Variants in DAGLA observed in about 807,000 individuals in gnomAD.
DAGLA encodes diacylglycerol lipase-alpha.
In DAGLA, 22 loss-of-function variants were observed where a neutral mutation model predicts 102.6. That is an observed-to-expected ratio of 0.21 (90% CI 0.15 to 0.31). The LOEUF is 0.31. DAGLA is among the 10% of genes least tolerant of loss of function. DAGLA has a pLI of 1.00. For synonymous variants in DAGLA, 578 were observed against 628.9 expected, an observed-to-expected ratio of 0.92 and a Z score of 1.21; for missense variants, 927 against 1,446.6, an observed-to-expected ratio of 0.64 and a Z score of 5.83.
chr11:61,695,483 G>T (rs983731866), intron 1 of DAGLA, among the ~76,000 whole-genome samples: 11 of 152,240 alleles, frequency 7.2e-5, no homozygotes, highest in African/African-American at 2.7e-4. Context: ...TCCCAGCGGG[G>T]AGGAGCAGTG....
intron 1 of DAGLA, among the ~76,000 whole-genome samples, chr11:61,719,825 C>T (rs750293869): frequency 2.0e-5 from 3 of 152,026 alleles, no homozygotes; most frequent in African/African-American, 4.8e-5. Context: ...TAATAGAGCT[C>T]AACAGTGACT....
At chr11:61,726,870 A>G (rs1320694238) in intron 6 of DAGLA, among the ~76,000 whole-genome samples, 3 of 152,166 alleles carry the variant, frequency 2.0e-5, no homozygotes, top group African/African-American at 4.8e-5. Flanking sequence ...GTGAGTAATC[A>G]AGTGTAAGAA....
rs945133280 is a variant in DAGLA, at chr11:61,731,383, C to T, written c.916C>T (p.Pro306Ser). Residue 306 changes from proline (P) to serine (S), a missense_variant, in exon 9 of 20, where the codon CCC (proline) becomes TCC (serine). This residue lies in a region of DAGLA where 231 missense variants were observed against 439.8 expected (regional missense o/e 0.53). Coordinates refer to ENST00000257215, the MANE Select transcript of DAGLA (RefSeq NM_006133.3). ...MLFALAAYGW[P>S]MYLMRKPACG... ...CTTTGCCCTGGCTGCCTACGGGTGGCCCATGTACCTGATGCGGAAGCCCGC... is the reference window on the plus strand; with the variant it reads ...CTTTGCCCTGGCTGCCTACGGGTGGTCCATGTACCTGATGCGGAAGCCCGC... 6.2e-7 allele frequency: 1 copy of T among 1,614,098 alleles called. No homozygotes were observed.
At chr11:61,721,343 G>A (rs2065280917) in intron 3 of DAGLA, among the ~76,000 whole-genome samples, 1 of 152,120 alleles carries the variant, frequency 6.6e-6, no homozygotes, top group African/African-American at 2.4e-5. Context: ...GCAGTGAGCC[G>A]AGATTGCGCC....
chr11:61,721,805 A>G (rs1030788759), intron 3 of DAGLA, among the ~76,000 whole-genome samples: 6 of 152,226 alleles, frequency 3.9e-5, no homozygotes, highest in Admixed American at 3.3e-4. Context: ...AGTGGGTGTT[A>G]TTGGTCTCCG....
chr11:61,720,001 A>G, intron 1 of DAGLA, 111 bp from the exon 2 acceptor site: 1 of 691,302 alleles, frequency 1.4e-6, no homozygotes, highest in Non-Finnish European at 2.4e-6. Flanking sequence ...AGCTCCAAAA[A>G]TGCCTGTGCT....
At chr11:61,691,925 G>A (rs193093853) in intron 1 of DAGLA, among the ~76,000 whole-genome samples, 25 of 152,312 alleles carry the variant, frequency 1.6e-4, no homozygotes, top group Non-Finnish European at 3.4e-4. Context: ...GATGATGCTG[G>A]CTTGTGACAG....
chr11:61,706,719 G>T (rs1454436065), intron 1 of DAGLA, among the ~76,000 whole-genome samples: 1 of 152,212 alleles, frequency 6.6e-6, no homozygotes, highest in Non-Finnish European at 1.5e-5. Flanking sequence ...AGGTCCCCTA[G>T]CTCTCGCTGA....
chr11:61,738,436 G>A (rs971496557), intron 16 of DAGLA, among the ~76,000 whole-genome samples: 1 of 152,180 alleles, frequency 6.6e-6, no homozygotes, highest in Admixed American at 6.5e-5. Flanking sequence ...AGAGTGGGAG[G>A]GACTTGCATT....
chr11:61,724,879 A>C (rs1376891426), intron 5 of DAGLA, among the ~76,000 whole-genome samples: 1 of 152,114 alleles, frequency 6.6e-6, no homozygotes. Context: ...AGGTCCCCAG[A>C]GTAGCAATTC....
chr11:61,730,826 AG>A, intron 8 of DAGLA, among the ~76,000 whole-genome samples: 1 of 152,256 alleles, frequency 6.6e-6, no homozygotes, highest in Non-Finnish European at 1.5e-5. Flanking sequence ...CCCAAGGGCC[AG>A]AGATTTGGTG....
At chr11:61,736,679 C>G (rs562595672) in intron 13 of DAGLA, among the ~76,000 whole-genome samples, 1 of 152,332 alleles carries the variant, frequency 6.6e-6, no homozygotes, top group South Asian at 2.1e-4. Flanking sequence ...AAATACAGAG[C>G]AGAGAGAAGG....
chr11:61,739,120 T>C (rs2065452628), intron 16 of DAGLA, among the ~76,000 whole-genome samples: 1 of 152,194 alleles, frequency 6.6e-6, no homozygotes, highest in South Asian at 2.1e-4. Context: ...CTCGGACTTG[T>C]GGAGTGATCC....
chr11:61,714,409 G>T (rs1454484435), intron 1 of DAGLA, among the ~76,000 whole-genome samples: 5 of 152,282 alleles, frequency 3.3e-5, no homozygotes, highest in Non-Finnish European at 7.3e-5. Flanking sequence ...GGAGGCAGGA[G>T]AGCCAGCCGC....
At chr11:61,741,024 A>G in intron 18 of DAGLA, 138 bp from the exon 19 acceptor site, 1 of 780,764 alleles carries the variant, frequency 1.3e-6, no homozygotes, top group Non-Finnish European at 2.0e-6. Flanking sequence ...TGGTGACCTC[A>G]GGAGGAGGAG....
chr11:61,729,506 C>T (rs1466856819), intron 8 of DAGLA, among the ~76,000 whole-genome samples: 2 of 152,174 alleles, frequency 1.3e-5, no homozygotes, highest in Non-Finnish European at 2.9e-5. Context: ...GGGCCCAGTA[C>T]AGCCCAGGCT....
intron 1 of DAGLA, among the ~76,000 whole-genome samples, chr11:61,707,725 G>T (rs1014135780): frequency 4.6e-5 from 7 of 152,226 alleles, no homozygotes; most frequent in Non-Finnish European, 8.8e-5. Context: ...AAGCAAGCGG[G>T]GCCATCTGGA....
At chr11:61,709,922 C>A (rs554602690) in intron 1 of DAGLA, among the ~76,000 whole-genome samples, 1 of 152,146 alleles carries the variant, frequency 6.6e-6, no homozygotes, top group Admixed American at 6.5e-5. Flanking sequence ...GAAGCCTCCC[C>A]ACCTTTGAGC....
At chr11:61,683,959 A>G (rs2135544929) in intron 1 of DAGLA, among the ~76,000 whole-genome samples, 1 of 152,290 alleles carries the variant, frequency 6.6e-6, no homozygotes, top group Middle Eastern at 3.4e-3. Context: ...ATGTTTCTCT[A>G]AAAGTTGCTT....
Sources: allele counts gnomAD v4.1 joint callset (sites outside exome capture counted in the v4.1 genomes callset), GRCh38; gene constraint gnomAD v4.1.1; regional missense constraint gnomAD v4.1.1; transcripts MANE v1.5; gene names NCBI Gene and HGNC (gene_info 2026-07-23, HGNC 2026-07-21).